Variants in ZBTB44 observed in about 807,000 individuals in gnomAD.
ZBTB44 encodes zinc finger and BTB domain containing 44.
Under a neutral mutation model 54.0 loss-of-function variants are expected in ZBTB44, and 15 were observed. The ratio of observed to expected loss-of-function variants is 0.28; its 90% CI spans 0.19 to 0.43. The LOEUF (loss-of-function observed/expected upper bound fraction) is 0.43, where lower values mean the gene tolerates loss of function less well. Ranked by LOEUF, ZBTB44 falls within the 20% of genes least tolerant of loss-of-function variation. The pLI, the probability that ZBTB44 is intolerant of heterozygous loss-of-function variation, is 1.00. For missense variants in ZBTB44, 487 were observed against 707.1 expected (o/e 0.69, Z 3.53); for synonymous variants, 230 against 250.1 (o/e 0.92, Z 0.76).
intron 1 of ZBTB44, among the ~76,000 whole-genome samples, chr11:130,268,992 T>TAA (rs759610555): frequency 6.9e-6 from 1 of 144,224 alleles, no homozygotes; most frequent in Non-Finnish European, 1.5e-5. Context: ...CAAGTCTCTT[T>TAA]AAAAAAAAAA....
intron 2 of ZBTB44, among the ~76,000 whole-genome samples, chr11:130,243,339 G>C (rs936664581): frequency 4.6e-5 from 7 of 152,126 alleles, no homozygotes; most frequent in African/African-American, 1.7e-4. Context: ...AAATTGAGTT[G>C]CTGAGGTCAG....
At chr11:130,276,169 T>C (rs1940057361) in intron 1 of ZBTB44, among the ~76,000 whole-genome samples, 1 of 134,082 alleles carries the variant, frequency 7.5e-6, no homozygotes, top group Non-Finnish European at 1.5e-5. Context: ...GAGGTTGCAG[T>C]GAGCTGAGAT....
Position 130,230,371 on chromosome 11 carries a change from A to T in ZBTB44, c.*1393T>A, listed in dbSNP as rs561928156. On this transcript the variant is annotated 3_prime_UTR_variant, in exon 8 of 8. Coordinates refer to ENST00000357899, the MANE Select transcript of ZBTB44 (RefSeq NM_001301098.2). ...ATAATTATGGACATCAGATGTATTG[A>T]CTAGTCTATTTCATTTGGCAAAGTA... The T allele has an allele frequency of 4.7e-4, 71 of 150,798 alleles. No homozygotes were observed. The highest frequency in any genetic ancestry group is 1.7e-3 in the African/African-American group (69 of 41,156). 9.3% of individuals were successfully genotyped at this position (150,798 alleles called of 1,614,324 possible). A position where few individuals can be genotyped will look rare whatever the true frequency, so the allele number is the denominator to read the frequency against.
Position 130,231,700 on chromosome 11 carries a change from A to C in ZBTB44, c.*64T>G, listed in dbSNP as rs1953881506. The C allele has an allele frequency of 2.6e-5, 4 of 152,122 alleles. No homozygotes were observed. Among genetic ancestry groups the C allele is most frequent in the Admixed American group, 2.0e-4 (3 of 15,272 alleles). The allele number at this position is 152,122 out of a possible 1,614,324, so 9.4% of individuals were successfully genotyped here. ...TTTTTCTTTCCTCTTGCTCTTTCAA[A>C]AACCACCTCTTGGAACTAAGGGTAA... On this transcript the variant is annotated 3_prime_UTR_variant, in exon 8 of 8. Coordinates refer to ENST00000357899, the MANE Select transcript of ZBTB44 (RefSeq NM_001301098.2).
chr11:130,296,468 A>G (rs1941655490), intron 1 of ZBTB44: 1 of 1,131,790 alleles, frequency 8.8e-7, no homozygotes, highest in East Asian at 2.3e-5. Flanking sequence ...TCTGCAACAC[A>G]GATTTGGGAA....
rs1953826994 is a variant in ZBTB44 at position 130,230,271 on chromosome 11, C to T, written c.*1493G>A. 1.3e-5 allele frequency: 2 copies of T among 151,958 alleles called. No individual in the cohort carries two copies. The highest frequency in any genetic ancestry group is 2.4e-5 in the African/African-American group (1 of 41,426). 9.4% of individuals were successfully genotyped at this position (151,958 alleles called of 1,614,324 possible). On this transcript the variant is annotated 3_prime_UTR_variant, in exon 8 of 8. Coordinates refer to ENST00000357899, the MANE Select transcript of ZBTB44 (RefSeq NM_001301098.2). ...AAAGATTTAATACAGCTTCCAAAGG[C>T]TCCCAAGAGAACCATTTATAAACTG...
chr11:130,314,019 G>A (rs921836298), intron 1 of ZBTB44, among the ~76,000 whole-genome samples: 2 of 151,898 alleles, frequency 1.3e-5, no homozygotes, highest in African/African-American at 4.8e-5. Context: ...AAAAGCAGAA[G>A]GGGAAAGGAG....
At chr11:130,278,149 T>C (rs1380259558) in intron 1 of ZBTB44, among the ~76,000 whole-genome samples, 1 of 152,224 alleles carries the variant, frequency 6.6e-6, no homozygotes, top group East Asian at 1.9e-4. Context: ...AATAAGCCCA[T>C]TGTTAGTTAA....
chr11:130,292,505 A>G lies in ZBTB44; in HGVS notation c.-57+21870T>C, dbSNP rs117865932. Among the ~76,000 whole-genome samples, 1,301 of 152,338 alleles carry G rather than the reference A, an allele frequency of 8.5e-3. 6 individuals carry two copies. The highest frequency in any genetic ancestry group is 0.013 in the Non-Finnish European group (882 of 68,028). On this transcript the variant is annotated intron_variant, in intron 1 of 7. Coordinates refer to ENST00000357899, the MANE Select transcript of ZBTB44 (RefSeq NM_001301098.2). ...ACATACACTGGTATGCAACAAGATC[A>G]TAAGAAAAAAATTAAAAATTAAAAA...
chr11:130,242,334 T>C (rs1954403597), intron 2 of ZBTB44, among the ~76,000 whole-genome samples: 1 of 152,190 alleles, frequency 6.6e-6, no homozygotes, highest in Non-Finnish European at 1.5e-5. Context: ...CATTTACAAA[T>C]TGTCTGATAT....
chr11:130,311,689 T>C (rs1942616318), intron 1 of ZBTB44, among the ~76,000 whole-genome samples: 1 of 152,196 alleles, frequency 6.6e-6, no homozygotes, highest in African/African-American at 2.4e-5. Context: ...GCAATGATAC[T>C]GCAGCAGCAA....
intron 1 of ZBTB44, among the ~76,000 whole-genome samples, chr11:130,301,519 C>A (rs534362195): frequency 4.0e-4 from 61 of 152,200 alleles, no homozygotes; most frequent in African/African-American, 1.5e-3. Context: ...TAATAATCCG[C>A]TGCGTGTGGT....
intron 2 of ZBTB44, among the ~76,000 whole-genome samples, chr11:130,259,925 A>G (rs1366474915): frequency 2.6e-5 from 4 of 152,158 alleles, no homozygotes; most frequent in Non-Finnish European, 4.4e-5. Context: ...AACGTTCTGC[A>G]CATGTACCCC....
intron 1 of ZBTB44, among the ~76,000 whole-genome samples, chr11:130,270,745 T>C (rs1939606657): frequency 6.6e-6 from 1 of 152,346 alleles, no homozygotes; most frequent in East Asian, 1.9e-4. Flanking sequence ...GATGGTTTTA[T>C]CTCTAACTTT....
chr11:130,268,939 T>C (rs1435446498), intron 1 of ZBTB44, among the ~76,000 whole-genome samples: 2 of 151,400 alleles, frequency 1.3e-5, no homozygotes, highest in African/African-American at 4.9e-5. Context: ...ATATGGACAG[T>C]TGAGAAACCA....
intron 1 of ZBTB44, among the ~76,000 whole-genome samples, chr11:130,309,293 G>A (rs1163206048): frequency 6.6e-6 from 1 of 152,084 alleles, no homozygotes; most frequent in Non-Finnish European, 1.5e-5. Context: ...CACCTGCAAC[G>A]CCAGCCTCAG....
At position 130,314,892 on chromosome 11, in the gene ZBTB44, G is replaced by A. The variant is rs1410596147; in HGVS notation, c.-574C>T. 1 of 151,674 alleles carries A rather than the reference G, an allele frequency of 6.6e-6. No homozygotes were observed. The highest frequency in any genetic ancestry group is 1.5e-5 in the Non-Finnish European group (1 of 67,862). The allele number at this position is 151,674 out of a possible 1,614,324, so 9.4% of individuals were successfully genotyped here. ...CGCTCCGCTCACTCCAGCCTGTTTG[G>A]GGGCACTTTGTTTGTGTCCCACAAT... On this transcript the variant is annotated 5_prime_UTR_variant, in exon 1 of 8. Transcript: ENST00000357899.
At chr11:130,296,523 A>G in intron 1 of ZBTB44, 1 of 884,362 alleles carries the variant, frequency 1.1e-6, no homozygotes, top group Non-Finnish European at 1.8e-6. Context: ...GACATTCCTC[A>G]AGTCAACTGG....
At chr11:130,308,924 A>G (rs1190218281) in intron 1 of ZBTB44, among the ~76,000 whole-genome samples, 1 of 152,220 alleles carries the variant, frequency 6.6e-6, no homozygotes, top group Admixed American at 6.5e-5. Flanking sequence ...AAAAGGGTAC[A>G]GCAAAAAGAA....
Sources: allele counts gnomAD v4.1 joint callset (sites outside exome capture counted in the v4.1 genomes callset), GRCh38; gene constraint gnomAD v4.1.1; transcripts MANE v1.5; gene names NCBI Gene and HGNC (gene_info 2026-07-23, HGNC 2026-07-21).